RIMS1: variants seen among roughly 807,000 people sequenced by gnomAD.
RIMS1 encodes regulating synaptic membrane exocytosis 1.
A neutral mutation model predicts 214.1 loss-of-function variants in RIMS1; 83 were observed. That is an observed-to-expected ratio of 0.39 (90% confidence interval 0.32 to 0.47). The LOEUF (loss-of-function observed/expected upper bound fraction) is 0.47, where lower values mean the gene tolerates loss of function less well. Among genes scored for constraint, RIMS1 ranks in the 20% least tolerant of loss-of-function variants. The probability of loss-of-function intolerance (pLI) is 0.99; values close to 1 mark genes in which losing one functional copy is unlikely to be tolerated. For synonymous variants in RIMS1, 793 were observed against 786.8 expected (o/e 1.01, Z -0.13); for missense variants, 2,050 against 2,161.8 (o/e 0.95, Z 1.03).
intron 25 of RIMS1, 85 bp from the exon 26 acceptor site, chr6:72,291,849 T>G (rs2093434218): frequency 1.0e-6 from 1 of 986,932 alleles, no homozygotes; most frequent in Admixed American, 2.0e-5. Context: ...ATGTCTATTT[T>G]AATCGTAACA....
intron 19 of RIMS1, chr6:72,263,933 C>T: frequency 2.9e-6 from 1 of 348,718 alleles, no homozygotes; most frequent in Non-Finnish European, 4.0e-6. Context: ...GCAGAGGTTG[C>T]AGTGAGCCAA....
intron 1 of RIMS1, among the ~76,000 whole-genome samples, chr6:71,889,168 A>G (rs1365188564): frequency 6.6e-6 from 1 of 152,164 alleles, no homozygotes; most frequent in East Asian, 1.9e-4. Flanking sequence ...CCGGATAGGA[A>G]GGGGAAGGCA....
chr6:71,971,275 G>A (rs771214347), intron 2 of RIMS1, among the ~76,000 whole-genome samples: 11 of 152,126 alleles, frequency 7.2e-5, no homozygotes, highest in Non-Finnish European at 1.6e-4. Flanking sequence ...GACTATGAAT[G>A]TGAAGTGGGC....
chr6:72,373,849 A>C (rs2098293647), intron 29 of RIMS1, among the ~76,000 whole-genome samples: 2 of 152,170 alleles, frequency 1.3e-5, no homozygotes, highest in Admixed American at 1.3e-4. Context: ...TTTCAAGTTC[A>C]TGTTCATCTA....
At chr6:72,288,741 A>G (rs943564444) in intron 24 of RIMS1, among the ~76,000 whole-genome samples, 1 of 152,080 alleles carries the variant, frequency 6.6e-6, no homozygotes, top group Non-Finnish European at 1.5e-5. Context: ...CTTCCCCTTC[A>G]TAATTCAGCA....
chr6:72,382,727 A>C (rs2098512855), intron 29 of RIMS1, among the ~76,000 whole-genome samples: 2 of 152,216 alleles, frequency 1.3e-5, no homozygotes, highest in Non-Finnish European at 2.9e-5. Context: ...CAGGAAATGT[A>C]GTTAACTCGA....
chr6:72,210,915 A>T (rs2053691097), intron 6 of RIMS1, among the ~76,000 whole-genome samples: 1 of 152,200 alleles, frequency 6.6e-6, no homozygotes, highest in Non-Finnish European at 1.5e-5. Context: ...TGCAGGGATC[A>T]GTGAAAATTG....
In RIMS1 at chr6:72,092,267, C is replaced by T. The variant is rs1320049262; in HGVS notation, c.246-4682C>T. Among the ~76,000 whole-genome samples, 7 of 115,912 alleles carry T rather than the reference C, an allele frequency of 6.0e-5. No homozygotes were observed. The Admixed American group carries it at 6.3e-4, about 10-fold the overall frequency. The allele number at this position is 115,912 out of a possible 152,430, so 76.0% of individuals were successfully genotyped here. ...AATGCCCTCTCTCCCTTTCCTCCTT[C>T]CTTCCCTCCCTCCCTCCCTCCCTCC... On this transcript the variant is annotated intron_variant, in intron 2 of 33. Transcript: ENST00000521978.
At chr6:72,057,108 C>G (rs1314372663) in intron 2 of RIMS1, among the ~76,000 whole-genome samples, 1 of 152,022 alleles carries the variant, frequency 6.6e-6, no homozygotes, top group Non-Finnish European at 1.5e-5. Flanking sequence ...ACAACAAACC[C>G]CCATGACACA....
chr6:72,158,625 G>A (rs566142206), intron 4 of RIMS1, among the ~76,000 whole-genome samples: 1 of 123,248 alleles, frequency 8.1e-6, no homozygotes, highest in East Asian at 2.3e-4. Context: ...TGTTCTCATT[G>A]CTCAATTCCC....
At chr6:72,011,985 T>A (rs1487032168) in intron 2 of RIMS1, among the ~76,000 whole-genome samples, 3 of 152,208 alleles carry the variant, frequency 2.0e-5, no homozygotes, top group Non-Finnish European at 4.4e-5. Context: ...ACTGGGTATA[T>A]ACCCAAAGGA....
In RIMS1 at chr6:72,097,061, C is replaced by T. The variant is rs2031975523; in HGVS notation, c.358C>T (p.His120Tyr). 3 of 1,613,988 alleles carry T rather than the reference C, an allele frequency of 1.9e-6. No individual in the cohort carries two copies. ...KDDAPTCGIC[H>Y]KTKFADGCGH... ...CGATGCTCCGACTTGTGGAATCTGT[C>T]ATAAAACAAAGTTTGCTGATGGGTG... The change falls in exon 3 of 34, where the codon CAT becomes TAT. Residue 120 changes from histidine (H) to tyrosine (Y), a missense_variant. Coordinates refer to ENST00000521978, the MANE Select transcript of RIMS1 (RefSeq NM_014989.7).
intron 6 of RIMS1, among the ~76,000 whole-genome samples, chr6:72,220,377 TAA>T (rs549551322): frequency 6.6e-6 from 1 of 152,076 alleles, no homozygotes; most frequent in Non-Finnish European, 1.5e-5. Context: ...ACTTGCAATT[TAA>T]AAGAGTGTGT....
At chr6:72,153,146 T>G (rs531476755) in intron 4 of RIMS1, among the ~76,000 whole-genome samples, 95 of 149,508 alleles carry the variant, frequency 6.4e-4, no homozygotes, top group Non-Finnish European at 1.1e-3. Context: ...TGTATATATA[T>G]GGAATATATG....
intron 1 of RIMS1, among the ~76,000 whole-genome samples, chr6:71,948,238 G>A (rs1002327206): frequency 6.6e-6 from 1 of 152,102 alleles, no homozygotes; most frequent in African/African-American, 2.4e-5. Flanking sequence ...GAGTTGTTCT[G>A]ATCATTAGTG....
At chr6:72,235,969 G>T (rs1004807160) in intron 8 of RIMS1, among the ~76,000 whole-genome samples, 1 of 152,092 alleles carries the variant, frequency 6.6e-6, no homozygotes, top group Non-Finnish European at 1.5e-5. Flanking sequence ...CATAGGTAAT[G>T]TGGACTTTTG....
intron 2 of RIMS1, among the ~76,000 whole-genome samples, chr6:72,007,379 CAG>C (rs997456449): frequency 1.3e-5 from 2 of 152,204 alleles, no homozygotes; most frequent in African/African-American, 4.8e-5. Flanking sequence ...GGGGAAAAAA[CAG>C]AGCAGAAAAA....
At chr6:72,188,071 G>A (rs1435585502) in intron 6 of RIMS1, among the ~76,000 whole-genome samples, 1 of 152,170 alleles carries the variant, frequency 6.6e-6, no homozygotes, top group Non-Finnish European at 1.5e-5. Context: ...ATGTTCTTCT[G>A]CCTGCTTTTA....
At chr6:72,330,546 GA>G (rs2096624985) in intron 28 of RIMS1, among the ~76,000 whole-genome samples, 1 of 151,654 alleles carries the variant, frequency 6.6e-6, no homozygotes, top group Non-Finnish European at 1.5e-5. Flanking sequence ...ATGCTGTTAT[GA>G]AATATCAGAA....
Sources: allele counts gnomAD v4.1 joint callset (sites outside exome capture counted in the v4.1 genomes callset), GRCh38; gene constraint gnomAD v4.1.1; transcripts MANE v1.5; gene names NCBI Gene and HGNC (gene_info 2026-07-23, HGNC 2026-07-21).